Variants in DGUOK observed in about 807,000 individuals in gnomAD.
DGUOK encodes the protein deoxyguanosine kinase, also known as deoxyguanosine kinase, mitochondrial.
In DGUOK, 30 loss-of-function variants were observed where a neutral mutation model predicts 36.6. The observed-to-expected ratio is 0.82, with a 90% confidence interval of 0.61 to 1.11. DGUOK has a LOEUF of 1.11. Among genes scored for constraint, DGUOK ranks in the 50% most tolerant of loss-of-function variants. The pLI, the probability that DGUOK is intolerant of heterozygous loss-of-function variation, is 0.00. For missense variants in DGUOK, 361 were observed against 336.4 expected, an observed-to-expected ratio of 1.07 and a Z score of -0.57; for synonymous variants, 145 against 126.3, an observed-to-expected ratio of 1.15 and a Z score of -0.99.
intron 2 of DGUOK, among the ~76,000 whole-genome samples, chr2:73,940,936 A>G (rs1681853153): frequency 6.6e-6 from 1 of 152,264 alleles, no homozygotes; most frequent in Non-Finnish European, 1.5e-5. Flanking sequence ...GTTAAGTGGT[A>G]CATGATTGCA....
At chr2:73,945,559 T>G (rs1357241771) in intron 2 of DGUOK, among the ~76,000 whole-genome samples, 1 of 152,198 alleles carries the variant, frequency 6.6e-6, no homozygotes. Context: ...GTTTTGAAGA[T>G]TAATTGAGGT....
rs1385195351 is a variant in DGUOK, at chr2:73,946,720, C to A, written c.257C>A (p.Ala86Asp). The A allele has an allele frequency of 1.2e-6, 2 of 1,613,932 alleles. No homozygotes were observed. The highest frequency in any genetic ancestry group is 4.5e-5 in the East Asian group (2 of 44,898). The change falls in exon 3 of 7, where the codon GCC becomes GAC. Residue 86 changes from alanine to aspartate, a missense_variant and splice_region_variant. Ala to Asp is a moderately radical substitution (Grantham distance 126). Transcript: ENST00000264093. ...CTTCTTTTTTTCATCTCCCTCTAGG[C>A]CTGCACTGCCCAAAGTCTTGGAAAC... ...QNIQAAGTQKACTAQSLGNLL... is the reference protein window; with the variant it reads ...QNIQAAGTQKDCTAQSLGNLL...
chr2:73,927,504 G>A (rs1436429818), intron 1 of DGUOK, among the ~76,000 whole-genome samples: 2 of 152,174 alleles, frequency 1.3e-5, no homozygotes, highest in Non-Finnish European at 2.9e-5. Flanking sequence ...AAACAACAAC[G>A]AAATCACTCA....
At chr2:73,944,738 C>G (rs922719287) in intron 2 of DGUOK, among the ~76,000 whole-genome samples, 3 of 152,138 alleles carry the variant, frequency 2.0e-5, no homozygotes, top group African/African-American at 7.2e-5. Context: ...TTTGATAGCC[C>G]AAAGCCCACT....
chr2:73,944,743 C>T (rs1336461574), intron 2 of DGUOK, among the ~76,000 whole-genome samples: 1 of 152,216 alleles, frequency 6.6e-6, no homozygotes, highest in African/African-American at 2.4e-5. Context: ...TAGCCCAAAG[C>T]CCACTGGTGC....
chr2:73,949,782 G>C (rs1239888161), intron 3 of DGUOK, among the ~76,000 whole-genome samples: 2 of 152,170 alleles, frequency 1.3e-5, no homozygotes, highest in Non-Finnish European at 2.9e-5. Flanking sequence ...AAATGCCTGA[G>C]GTTTGAAAGC....
chr2:73,932,393 C>T (rs1573507553), intron 1 of DGUOK, among the ~76,000 whole-genome samples: 1 of 152,160 alleles, frequency 6.6e-6, no homozygotes, highest in East Asian at 1.9e-4. Context: ...CATTCACCAC[C>T]TTCCTTGGGC....
At chr2:73,930,546 C>T (rs1221525971) in intron 1 of DGUOK, among the ~76,000 whole-genome samples, 1 of 152,190 alleles carries the variant, frequency 6.6e-6, no homozygotes, top group Non-Finnish European at 1.5e-5. Context: ...AAAGTAAGTA[C>T]TTAGGACAGG....
chr2:73,950,814 T>C, intron 4 of DGUOK, 82 bp downstream of exon 4: 1 of 1,579,064 alleles, frequency 6.3e-7, no homozygotes, highest in Non-Finnish European at 8.7e-7. Context: ...GATTTTCTGG[T>C]TGGAGAGATT....
At position 73,957,184 on chromosome 2, in the gene DGUOK, C is replaced by T; in HGVS notation, c.651C>T (p.Ala217=). ...AGGAGGAGAAAGGAATTGAGCTGGC[C>T]TATCTAGAGCAGCTGCATGGCCAAC... is the stretch of plus-strand genomic sequence containing the variant. ...AREEEKGIEL[A]YLEQLHGQHE... The change falls in exon 5 of 7, where the codon GCC becomes GCT. Residue 217 remains alanine (A), a synonymous_variant. Coordinates refer to ENST00000264093, the MANE Select transcript of DGUOK (RefSeq NM_080916.3). The T allele has an allele frequency of 1.2e-6, 2 of 1,614,142 alleles. No homozygotes were observed. The highest frequency in any genetic ancestry group is 1.7e-6 in the Non-Finnish European group (2 of 1,180,024).
At chr2:73,957,924 T>C in intron 5 of DGUOK, 1 of 449,866 alleles carries the variant, frequency 2.2e-6, no homozygotes. Context: ...GTGCTCTGAC[T>C]GTTTGTTAGT....
chr2:73,939,050 G>A, intron 2 of DGUOK, 28 bp downstream of exon 2: 1 of 1,396,188 alleles, frequency 7.2e-7, no homozygotes, highest in Non-Finnish European at 1.0e-6. Context: ...GTGGGTAGTT[G>A]GCAGGCATGG....
At chr2:73,957,556 A>G (rs921802706) in intron 5 of DGUOK, among the ~76,000 whole-genome samples, 4 of 152,070 alleles carry the variant, frequency 2.6e-5, no homozygotes, top group Non-Finnish European at 4.4e-5. Context: ...CGCCTGTAAT[A>G]CCAGCTACTC....
rs1396335431 is a variant in DGUOK, at chr2:73,958,225, CAAG to C, written c.792_794del (p.Glu264del). On this transcript the variant is annotated inframe_deletion, in exon 6 of 7. Transcript: ENST00000264093. ...TGATTTTTCTGAGGAAGTAACCAAACAAGAAGACCTCATGAGAGAGGTGGGAAG... is the reference window on the plus strand; with the variant it reads ...TGATTTTTCTGAGGAAGTAACCAAACAAGACCTCATGAGAGAGGTGGGAAG... 4 of 1,613,646 alleles carry C rather than the reference CAAG, an allele frequency of 2.5e-6. No individual in the cohort carries two copies. The highest frequency in any genetic ancestry group is 3.3e-5 in the Admixed American group (2 of 60,006).
At chr2:73,931,271 T>TTTTG (rs756728137) in intron 1 of DGUOK, among the ~76,000 whole-genome samples, 5 of 151,898 alleles carry the variant, frequency 3.3e-5, no homozygotes, top group African/African-American at 4.8e-5. Flanking sequence ...TTGGGGGTTT[T>TTTTG]TTTGTTTGTT....
Position 73,946,841 on chromosome 2 carries a change from C to G in DGUOK, c.378C>G (p.Phe126Leu), listed in dbSNP as rs1374940906. The change falls in exon 3 of 7, where the codon TTC becomes TTG. Residue 126 changes from phenylalanine to leucine, a missense_variant. By Grantham distance (22) the Phe-to-Leu change is conservative. Coordinates refer to ENST00000264093, the MANE Select transcript of DGUOK (RefSeq NM_080916.3). The stretch of plus-strand genomic sequence containing the variant: ...GCCTGAAAGTACAGCTGGAGCCCTT[C>G]CCTGAGAAACTCTTACAGGCCAGGA... The part of the protein sequence containing the change: ...LSRLKVQLEP[F>L]PEKLLQARKP... 6.2e-7 allele frequency: 1 copy of G among 1,613,938 alleles called. No individual in the cohort carries two copies. Among genetic ancestry groups the G allele is most frequent in the South Asian group, 1.1e-5 (1 of 91,052 alleles).
chr2:73,938,231 A>G (rs946792658), intron 1 of DGUOK, among the ~76,000 whole-genome samples: 2 of 152,134 alleles, frequency 1.3e-5, no homozygotes, highest in African/African-American at 2.4e-5. Context: ...CTCCCTTTGC[A>G]TGAATTGTCA....
In DGUOK at chr2:73,957,212, G is replaced by A. The variant is rs104893632; in HGVS notation, c.679G>A (p.Glu227Lys). The change falls in exon 5 of 7, where the codon GAA (glutamate) becomes AAA (lysine). Residue 227 changes from glutamate (E) to lysine (K), a missense_variant. By Grantham distance (56) the Glu-to-Lys change is moderately conservative (BLOSUM62 1). Transcript: ENST00000264093. ...TCTAGAGCAGCTGCATGGCCAACACGAAGCCTGGCTTATTCACAAGACAAC... is the reference window on the plus strand; with the variant it reads ...TCTAGAGCAGCTGCATGGCCAACACAAAGCCTGGCTTATTCACAAGACAAC... ...AYLEQLHGQHEAWLIHKTTKL... is the reference protein window; with the variant it reads ...AYLEQLHGQHKAWLIHKTTKL... The A allele has an allele frequency of 2.4e-5, 38 of 1,613,976 alleles. No individual in the cohort carries two copies. Among genetic ancestry groups the A allele is most frequent in the Non-Finnish European group, 2.9e-5 (34 of 1,179,972 alleles).
chr2:73,932,959 T>C (rs2104876613), intron 1 of DGUOK, among the ~76,000 whole-genome samples: 1 of 152,350 alleles, frequency 6.6e-6, no homozygotes, highest in Non-Finnish European at 1.5e-5. Context: ...ATCTTACGAT[T>C]ACAAGCGTAA....
Sources: allele counts gnomAD v4.1 joint callset (sites outside exome capture counted in the v4.1 genomes callset), GRCh38; gene constraint gnomAD v4.1.1; transcripts MANE v1.5; gene names NCBI Gene and HGNC (gene_info 2026-07-23, HGNC 2026-07-21).